The following CTNNA2 variants were observed in gnomAD, a reference collection of about 807,000 sequenced individuals.
The protein encoded by CTNNA2 is catenin alpha-2.
A neutral mutation model predicts 101.0 loss-of-function variants in CTNNA2; 42 were observed. The observed-to-expected ratio is 0.42, with a 90% CI of 0.32 to 0.54. The LOEUF is 0.54. Among genes scored for constraint, CTNNA2 ranks in the 20% least tolerant of loss-of-function variants. The probability of loss-of-function intolerance (pLI) is 0.14; values close to 1 mark genes in which losing one functional copy is unlikely to be tolerated. For synonymous variants in CTNNA2, 450 were observed against 456.4 expected, an observed-to-expected ratio of 0.99 and a Z score of 0.18; for missense variants, 871 against 1,223.1, an observed-to-expected ratio of 0.71 and a Z score of 4.29.
intron 12 of CTNNA2, among the ~76,000 whole-genome samples, chr2:80,566,034 C>A (rs544776659): frequency 6.6e-6 from 1 of 152,248 alleles, no homozygotes; most frequent in East Asian, 1.9e-4. Context: ...CAGAAATTTT[C>A]ATGTGTCCTG....
At chr2:79,417,692 T>C (rs1432110450) in intron 4 of CTNNA2, among the ~76,000 whole-genome samples, 3 of 152,154 alleles carry the variant, frequency 2.0e-5, no homozygotes, top group African/African-American at 7.2e-5. Flanking sequence ...ACTCAGACAC[T>C]GTTTTGGCAG....
intron 1 of CTNNA2, among the ~76,000 whole-genome samples, chr2:79,627,296 C>A (rs1472211472): frequency 2.6e-5 from 4 of 152,222 alleles, no homozygotes; most frequent in Non-Finnish European, 5.9e-5. Flanking sequence ...AACCATAAAA[C>A]AAGTTACAGT....
chr2:79,409,898 G>A (rs1199866023), intron 4 of CTNNA2, among the ~76,000 whole-genome samples: 2 of 151,970 alleles, frequency 1.3e-5, no homozygotes, highest in African/African-American at 4.8e-5. Context: ...GGGCAGTATG[G>A]CCATTGTCAC....
intron 2 of CTNNA2, among the ~76,000 whole-genome samples, chr2:79,665,681 T>G (rs910656599): frequency 3.9e-5 from 6 of 152,224 alleles, no homozygotes; most frequent in African/African-American, 9.6e-5. Flanking sequence ...TTTTAACTGT[T>G]CAGTCTTTTT....
At chr2:79,877,841 A>AT (rs1283052993) in intron 6 of CTNNA2, among the ~76,000 whole-genome samples, 3 of 152,160 alleles carry the variant, frequency 2.0e-5, no homozygotes, top group Non-Finnish European at 1.5e-5. Flanking sequence ...CCTAAAATTT[A>AT]TTTTTTAAAA....
chr2:79,523,406 C>T, intron 1 of CTNNA2: 1 of 208,268 alleles, frequency 4.8e-6, no homozygotes. Context: ...TTAAAGATAT[C>T]TCCACACTGG....
intron 2 of CTNNA2, among the ~76,000 whole-genome samples, chr2:79,246,291 A>T (rs569195542): frequency 6.6e-6 from 1 of 152,338 alleles, no homozygotes; most frequent in African/African-American, 2.4e-5. Flanking sequence ...AGGAAGGTCC[A>T]GACCAGGGTA....
chr2:79,304,170 A>G (rs1676178105), intron 2 of CTNNA2, among the ~76,000 whole-genome samples: 1 of 152,110 alleles, frequency 6.6e-6, no homozygotes, highest in Admixed American at 6.5e-5. Flanking sequence ...ACACTGAGGA[A>G]CTGGGAGCAG....
At chr2:79,500,804 T>C (rs755525870) in intron 4 of CTNNA2, 1 of 152,332 alleles carries the variant, frequency 6.6e-6, no homozygotes, top group African/African-American at 2.4e-5. Flanking sequence ...TCAGCTTCAA[T>C]GGTCCCTCTT....
intron 3 of CTNNA2, among the ~76,000 whole-genome samples, chr2:79,790,565 C>T (rs1416843026): frequency 6.6e-6 from 1 of 152,112 alleles, no homozygotes; most frequent in East Asian, 1.9e-4. Context: ...AAACTAACTT[C>T]AGTGTAATGT....
Position 79,904,081 on chromosome 2 carries a change from GCTC to G in CTNNA2, c.853-5510_853-5508del, listed in dbSNP as rs555953575. On this transcript the variant is annotated intron_variant, in intron 6 of 18. Transcript: ENST00000402739. Reference sequence around the variant, plus strand: ...TAGCCCATCTGCATTGCCCCTTCCTGCTCCTAACTTTGCTTGGCCAACCGCTTT... The same window carrying G: ...TAGCCCATCTGCATTGCCCCTTCCTGCTAACTTTGCTTGGCCAACCGCTTT... Among the ~76,000 whole-genome samples, 1,321 of 152,182 alleles carry G rather than the reference GCTC, an allele frequency of 8.7e-3. 28 individuals carry two copies. The highest frequency in any genetic ancestry group is 0.031 in the African/African-American group (1,276 of 41,512).
chr2:79,241,075 C>G (rs187156199), intron 2 of CTNNA2, among the ~76,000 whole-genome samples: 9 of 152,242 alleles, frequency 5.9e-5, no homozygotes, highest in African/African-American at 2.2e-4. Flanking sequence ...ATTCCACATT[C>G]TCAATAGGAT....
chr2:79,272,412 T>A (rs1472739479), intron 2 of CTNNA2, among the ~76,000 whole-genome samples: 1 of 152,048 alleles, frequency 6.6e-6, no homozygotes, highest in African/African-American at 2.4e-5. Context: ...ACAAAAATGG[T>A]GTATAATTTA....
chr2:79,887,626 T>G lies in CTNNA2; in HGVS notation c.852+13284T>G, dbSNP rs150261858. On this transcript the variant is annotated intron_variant, in intron 6 of 18. Transcript: ENST00000402739. Reference sequence around the variant, plus strand: ...TTTTTCTAACTTAGGTTAATCTGTTTGTGCTTAATTGGGCTCCTACTATGT... The same window carrying G: ...TTTTTCTAACTTAGGTTAATCTGTTGGTGCTTAATTGGGCTCCTACTATGT... 7.6e-4 allele frequency among the ~76,000 whole-genome samples: 115 copies of G among 152,142 alleles called. 2 individuals are homozygous for G. Among genetic ancestry groups the G allele is most frequent in the African/African-American group, 2.7e-3 (111 of 41,404 alleles).
At chr2:79,682,190 C>T (rs1222557286) in intron 2 of CTNNA2, among the ~76,000 whole-genome samples, 3 of 151,796 alleles carry the variant, frequency 2.0e-5, no homozygotes, top group Admixed American at 6.6e-5. Context: ...AGGCGGATCA[C>T]GAGGTCAGGA....
Position 79,289,893 on chromosome 2 carries a change from G to C in CTNNA2, c.-405-22816G>C, listed in dbSNP as rs1266317807. On this transcript the variant is annotated intron_variant, in intron 2 of 21. Coordinates refer to the CTNNA2 transcript ENST00000466387. ...TCTAGAGCTTAACTCCATAAATTCT[G>C]ATTGCATTGCTTACTAGCTGGAGAA... Among the ~76,000 whole-genome samples, 7 of 152,164 alleles carry C rather than the reference G, an allele frequency of 4.6e-5. No individual in the cohort carries two copies. In the East Asian group the frequency reaches 1.3e-3, roughly 29 times the overall value.
chr2:80,053,546 C>T lies in CTNNA2; in HGVS notation c.1056+143749C>T, dbSNP rs572997402. Among the ~76,000 whole-genome samples, 30 of 152,280 alleles carry T rather than the reference C, an allele frequency of 2.0e-4. No homozygotes were observed. In the South Asian group the frequency reaches 4.8e-3, roughly 24 times the overall value. ...AGTGACATGGACTATGGACTAATGACGCCTTTCGTTATCATTGTTCTGCCT... is the reference window on the plus strand; with the variant it reads ...AGTGACATGGACTATGGACTAATGATGCCTTTCGTTATCATTGTTCTGCCT... On this transcript the variant is annotated intron_variant, in intron 7 of 18. Transcript: ENST00000402739.
chr2:80,325,511 T>C (rs1408884517), intron 7 of CTNNA2, among the ~76,000 whole-genome samples: 1 of 152,214 alleles, frequency 6.6e-6, no homozygotes, highest in Non-Finnish European at 1.5e-5. Context: ...AAGCTGTTTT[T>C]TGTTTTGTAT....
chr2:80,508,641 T>C (rs1220210442), intron 9 of CTNNA2, among the ~76,000 whole-genome samples: 1 of 147,104 alleles, frequency 6.8e-6, no homozygotes, highest in Non-Finnish European at 1.5e-5. Context: ...CTTTATGGAA[T>C]AAATTTCCTT....
Sources: allele counts gnomAD v4.1 joint callset (sites outside exome capture counted in the v4.1 genomes callset), GRCh38; gene constraint gnomAD v4.1.1; transcripts MANE v1.5; gene names NCBI Gene and HGNC (gene_info 2026-07-23, HGNC 2026-07-21).